Variants in FTCDNL1 observed in about 807,000 individuals in gnomAD.
FTCDNL1 encodes formiminotransferase cyclodeaminase N-terminal like.
A neutral mutation model predicts 5.9 loss-of-function variants in FTCDNL1; 11 were observed. That is an observed-to-expected ratio of 1.87 (90% CI 1.18 to 3.10). The LOEUF (loss-of-function observed/expected upper bound fraction) is 3.10. FTCDNL1 is among the 30% of genes most tolerant of loss of function. FTCDNL1 has a pLI of 0.00. For missense variants in FTCDNL1, 115 were observed against 65.5 expected (o/e 1.76, Z -2.61); for synonymous variants, 58 against 24.8 (o/e 2.34, Z -3.99).
chr2:199,759,239 A>C (rs1698177305), downstream of FTCDNL1, among the ~76,000 whole-genome samples: 1 of 151,988 alleles, frequency 6.6e-6, no homozygotes, highest in Admixed American at 6.6e-5. Context: ...TTCTGGTGAA[A>C]ATACTGGGAT....
chr2:199,839,627 AC>A (rs765731876), intron 3 of FTCDNL1, among the ~76,000 whole-genome samples: 17 of 152,218 alleles, frequency 1.1e-4, no homozygotes, highest in Admixed American at 5.2e-4. Context: ...ACAGACCCAT[AC>A]AAAAGCACTT....
At chr2:199,807,994 A>G (rs988521905), downstream of FTCDNL1, among the ~76,000 whole-genome samples, 10 of 152,128 alleles carry the variant, frequency 6.6e-5, no homozygotes, top group Non-Finnish European at 1.2e-4. Context: ...GTTTAGTACC[A>G]TCCTCTTGGT....
chr2:199,718,576 T>C, the FTCDNL1 span, among the ~76,000 whole-genome samples: 8 of 152,286 alleles, frequency 5.3e-5, no homozygotes, highest in African/African-American at 1.4e-4. Context: ...AGTAGTAGGA[T>C]TGCTGAATCT....
At chr2:199,760,304 G>A (rs1348230645), downstream of FTCDNL1, among the ~76,000 whole-genome samples, 1 of 151,490 alleles carries the variant, frequency 6.6e-6, no homozygotes, top group Non-Finnish European at 1.5e-5. Context: ...CAGAGAGAAA[G>A]TTCTGCTTTC....
intron 1 of FTCDNL1, among the ~76,000 whole-genome samples, chr2:199,850,103 T>A (rs2106635126): frequency 6.6e-6 from 1 of 152,354 alleles, no homozygotes; most frequent in Non-Finnish European, 1.5e-5. Context: ...CATCTTAACC[T>A]AGAGAGAGCT....
At chr2:199,793,026 A>T (rs558549134) in intron 3 of FTCDNL1, among the ~76,000 whole-genome samples, 2 of 152,168 alleles carry the variant, frequency 1.3e-5, no homozygotes, top group Non-Finnish European at 2.9e-5. Flanking sequence ...AAAAACAATG[A>T]CCTCAAAATA....
At chr2:199,731,874 C>T in the FTCDNL1 span, among the ~76,000 whole-genome samples, 10 of 148,608 alleles carry the variant, frequency 6.7e-5, no homozygotes, top group East Asian at 2.0e-4. Context: ...GGCGACAGAG[C>T]GAGACTCCGT....
chr2:199,851,082 C>T lies in FTCDNL1; in HGVS notation c.-350G>A, dbSNP rs1399726086. ...GGGAGGGGAGCGGACCTGCGAGCGCCGAAGGGCGGTGGGGCAGGGCGACCG... is the reference window on the plus strand; with the variant it reads ...GGGAGGGGAGCGGACCTGCGAGCGCTGAAGGGCGGTGGGGCAGGGCGACCG... On this transcript the variant is annotated 5_prime_UTR_variant, in exon 1 of 5. Transcript: ENST00000420128. 1 of 146,066 alleles carries T rather than the reference C, an allele frequency of 6.8e-6. No individual in the cohort carries two copies. Among genetic ancestry groups the T allele is most frequent in the Non-Finnish European group, 1.5e-5 (1 of 64,874 alleles). The allele number at this position is 146,066 out of a possible 1,614,324, so 9.0% of individuals were successfully genotyped here.
chr2:199,797,134 G>A (rs2106385623), intron 3 of FTCDNL1, among the ~76,000 whole-genome samples: 1 of 152,316 alleles, frequency 6.6e-6, no homozygotes, highest in Non-Finnish European at 1.5e-5. Flanking sequence ...CATTTCTAAT[G>A]AGAAATACAG....
intron 3 of FTCDNL1, among the ~76,000 whole-genome samples, chr2:199,835,343 T>C (rs535005822): frequency 6.6e-6 from 1 of 152,322 alleles, no homozygotes; most frequent in Admixed American, 6.5e-5. Context: ...TACATATGTT[T>C]AGGTAATTAA....
chr2:199,674,586 C>A, the FTCDNL1 span, among the ~76,000 whole-genome samples: 3 of 152,174 alleles, frequency 2.0e-5, no homozygotes, highest in East Asian at 5.8e-4. Flanking sequence ...TTCAGTGGCT[C>A]CATACTCCCA....
intron 2 of FTCDNL1, among the ~76,000 whole-genome samples, 168 bp downstream of exon 2, chr2:199,848,680 C>T (rs137978244): frequency 6.6e-6 from 1 of 152,194 alleles, no homozygotes; most frequent in Non-Finnish European, 1.5e-5. Flanking sequence ...AGTAACTGAG[C>T]TATCTCAGTA....
chr2:199,829,895 G>T (rs1272955985), intron 3 of FTCDNL1, among the ~76,000 whole-genome samples: 1 of 152,088 alleles, frequency 6.6e-6, no homozygotes, highest in Non-Finnish European at 1.5e-5. Context: ...TCTCTTTTCT[G>T]TGACCTACTG....
At chr2:199,795,301 G>T (rs923100837) in intron 3 of FTCDNL1, among the ~76,000 whole-genome samples, 1 of 152,142 alleles carries the variant, frequency 6.6e-6, no homozygotes, top group African/African-American at 2.4e-5. Flanking sequence ...ATACAGGATG[G>T]CTAGAGAGAG....
At chr2:199,813,766 T>C (rs1439981607) in intron 4 of FTCDNL1, among the ~76,000 whole-genome samples, 3 of 151,586 alleles carry the variant, frequency 2.0e-5, no homozygotes, top group East Asian at 2.0e-4. Flanking sequence ...CAAAAATTAG[T>C]TGGGCATGGT....
At chr2:199,701,764 T>C in the FTCDNL1 span, among the ~76,000 whole-genome samples, 1 of 152,130 alleles carries the variant, frequency 6.6e-6, no homozygotes, top group Non-Finnish European at 1.5e-5. Context: ...TGAGCTAGGC[T>C]GAGCTCATGC....
At chr2:199,691,483 G>C in the FTCDNL1 span, among the ~76,000 whole-genome samples, 1 of 152,212 alleles carries the variant, frequency 6.6e-6, no homozygotes, top group Non-Finnish European at 1.5e-5. Flanking sequence ...CACATTTTAA[G>C]ATTATGTGTT....
At chr2:199,695,450 C>G in the FTCDNL1 span, among the ~76,000 whole-genome samples, 1 of 152,136 alleles carries the variant, frequency 6.6e-6, no homozygotes, top group Non-Finnish European at 1.5e-5. Flanking sequence ...ATTTTGATGA[C>G]TTTGTATGTA....
intron 3 of FTCDNL1, among the ~76,000 whole-genome samples, chr2:199,824,768 T>C (rs1372032752): frequency 6.6e-6 from 1 of 152,212 alleles, no homozygotes; most frequent in East Asian, 1.9e-4. Context: ...TAACAACATT[T>C]ATCAGTTATC....
Sources: allele counts gnomAD v4.1 joint callset (sites outside exome capture counted in the v4.1 genomes callset), GRCh38; gene constraint gnomAD v4.1.1; transcripts MANE v1.5; gene names NCBI Gene and HGNC (gene_info 2026-07-23, HGNC 2026-07-21).